Variants in DPP10 observed in about 807,000 individuals in gnomAD.
The protein encoded by DPP10 is dipeptidyl peptidase like 10, also known as inactive dipeptidyl peptidase 10.
DPP10 carries 33 observed loss-of-function variants against 120.9 expected under a neutral mutation model. The observed-to-expected ratio is 0.27, with a 90% confidence interval of 0.21 to 0.37. DPP10 has a LOEUF of 0.37. DPP10 is among the 10% of genes least tolerant of loss of function. The pLI is 1.00. For missense variants in DPP10, 816 were observed against 942.8 expected (o/e 0.87, Z 1.76); for synonymous variants, 337 against 326.1 (o/e 1.03, Z -0.36).
chr2:114,943,484 G>T (rs1697119299), intron 1 of DPP10, among the ~76,000 whole-genome samples: 1 of 152,120 alleles, frequency 6.6e-6, no homozygotes, highest in Non-Finnish European at 1.5e-5. Context: ...ATGTTGGTCA[G>T]GCTGGTCTTG....
At chr2:115,302,882 A>G (rs2061202978) in intron 1 of DPP10, among the ~76,000 whole-genome samples, 1 of 152,130 alleles carries the variant, frequency 6.6e-6, no homozygotes, top group African/African-American at 2.4e-5. Context: ...ATAAATGAGG[A>G]AACTGTGAAT....
chr2:114,684,472 T>C (rs1320367388), intron 1 of DPP10, among the ~76,000 whole-genome samples: 1 of 152,002 alleles, frequency 6.6e-6, no homozygotes, highest in Non-Finnish European at 1.5e-5. Flanking sequence ...GTGTTTTCTT[T>C]CCCTCCCTTT....
At chr2:115,402,963 A>G (rs1175168952) in intron 3 of DPP10, among the ~76,000 whole-genome samples, 1 of 146,520 alleles carries the variant, frequency 6.8e-6, no homozygotes, top group Non-Finnish European at 1.5e-5. Flanking sequence ...ATATATATAT[A>G]TGTATATATA....
At chr2:115,777,705 C>A (rs1682279644) in intron 14 of DPP10, 82 bp from the exon 15 acceptor site, 4 of 1,391,744 alleles carry the variant, frequency 2.9e-6, no homozygotes, top group Non-Finnish European at 2.0e-6. Context: ...ATTCAGGATT[C>A]AATGTGACAA....
chr2:115,842,368 G>A lies in DPP10; in HGVS notation c.*23G>A, dbSNP rs1690243857. On this transcript the variant is annotated 3_prime_UTR_variant, in exon 26 of 26. Coordinates refer to ENST00000410059, the MANE Select transcript of DPP10 (RefSeq NM_020868.6). Reference sequence around the variant, plus strand: ...TAATGGACTGTATTTATACAGAACTGAAGGGAATATTGAGGCTCAATGAAA... The same window carrying A: ...TAATGGACTGTATTTATACAGAACTAAAGGGAATATTGAGGCTCAATGAAA... 2 of 1,601,774 alleles carry A rather than the reference G, an allele frequency of 1.2e-6. No individual in the cohort carries two copies. The highest frequency in any genetic ancestry group is 1.7e-6 in the Non-Finnish European group (2 of 1,171,874).
chr2:115,027,937 T>C (rs753121955), intron 1 of DPP10, among the ~76,000 whole-genome samples: 36 of 152,252 alleles, frequency 2.4e-4, no homozygotes, highest in African/African-American at 8.4e-4. Flanking sequence ...TTTGTATTTC[T>C]GTAGTTAGTT....
At chr2:114,940,415 G>T (rs1696807017) in intron 1 of DPP10, among the ~76,000 whole-genome samples, 1 of 152,112 alleles carries the variant, frequency 6.6e-6, no homozygotes, top group Admixed American at 6.6e-5. Context: ...GGATCAGAGA[G>T]AGAGAAAGAT....
At chr2:115,746,521 G>A (rs1218013636) in intron 10 of DPP10, among the ~76,000 whole-genome samples, 1 of 152,058 alleles carries the variant, frequency 6.6e-6, no homozygotes, top group African/African-American at 2.4e-5. Context: ...TTTTGAAGGT[G>A]TTCATTAAAA....
intron 1 of DPP10, among the ~76,000 whole-genome samples, chr2:114,729,864 G>A (rs993633725): frequency 6.6e-5 from 10 of 152,088 alleles, no homozygotes; most frequent in Admixed American, 3.3e-4. Context: ...AAAAACAGAC[G>A]ACTTGCAAGA....
intron 5 of DPP10, among the ~76,000 whole-genome samples, chr2:115,615,871 T>G (rs1254376700): frequency 6.6e-6 from 1 of 152,302 alleles, no homozygotes; most frequent in East Asian, 1.9e-4. Flanking sequence ...TATGAAGAAC[T>G]AATATTATAA....
In DPP10 at chr2:115,595,514, C is replaced by T. The variant is rs376202966; in HGVS notation, c.441+69542C>T. Among the ~76,000 whole-genome samples, 3 of 152,182 alleles carry T rather than the reference C, an allele frequency of 2.0e-5. 1 individual carries two copies. The highest frequency in any genetic ancestry group is 7.2e-5 in the African/African-American group (3 of 41,562). On this transcript the variant is annotated intron_variant, in intron 5 of 25. Coordinates refer to ENST00000410059, the MANE Select transcript of DPP10 (RefSeq NM_020868.6). ...CAATGTTCCAAGAAAACCATTACTG[C>T]AACACAAAGGCCCTGATTCTGGCCC...
intron 1 of DPP10, among the ~76,000 whole-genome samples, chr2:114,601,458 A>G (rs1692359609): frequency 6.6e-6 from 1 of 151,904 alleles, no homozygotes; most frequent in African/African-American, 2.4e-5. Context: ...GTGGCTTTAC[A>G]GTTGTGTTTT....
At chr2:115,402,655 A>T (rs575758336) in intron 3 of DPP10, among the ~76,000 whole-genome samples, 27 of 150,746 alleles carry the variant, frequency 1.8e-4, no homozygotes, top group African/African-American at 6.3e-4. Flanking sequence ...AAAAAAAAAA[A>T]GTCTTCCACT....
chr2:115,400,761 A>G (rs2068015704), intron 3 of DPP10, among the ~76,000 whole-genome samples: 1 of 152,244 alleles, frequency 6.6e-6, no homozygotes, highest in Non-Finnish European at 1.5e-5. Flanking sequence ...AATAAATGCA[A>G]GAGTTGCAAG....
At chr2:115,125,391 A>AC (rs2050020794) in intron 1 of DPP10, among the ~76,000 whole-genome samples, 1 of 152,152 alleles carries the variant, frequency 6.6e-6, no homozygotes, top group South Asian at 2.1e-4. Flanking sequence ...AAAACTTGAG[A>AC]AAGTTATTTA....
chr2:115,175,415 C>G (rs2053623223), intron 1 of DPP10, among the ~76,000 whole-genome samples: 1 of 152,128 alleles, frequency 6.6e-6, no homozygotes, highest in South Asian at 2.1e-4. Context: ...GGTGGGGGAA[C>G]AGGAAGAAAT....
intron 1 of DPP10, among the ~76,000 whole-genome samples, chr2:114,514,157 G>C (rs1684399907): frequency 6.6e-6 from 1 of 152,154 alleles, no homozygotes; most frequent in Non-Finnish European, 1.5e-5. Context: ...GGTCTAATCT[G>C]ATGAAATAAT....
chr2:115,483,997 A>G (rs1328682747), intron 3 of DPP10, among the ~76,000 whole-genome samples: 1 of 152,124 alleles, frequency 6.6e-6, no homozygotes, highest in Non-Finnish European at 1.5e-5. Flanking sequence ...TTGAGATTTC[A>G]GACAAAATCA....
At chr2:115,302,326 G>A (rs886703927) in intron 1 of DPP10, among the ~76,000 whole-genome samples, 4 of 151,920 alleles carry the variant, frequency 2.6e-5, no homozygotes, top group African/African-American at 9.7e-5. Flanking sequence ...ACCAATAATC[G>A]TAATTATTGG....
Sources: allele counts gnomAD v4.1 joint callset (sites outside exome capture counted in the v4.1 genomes callset), GRCh38; gene constraint gnomAD v4.1.1; transcripts MANE v1.5; gene names NCBI Gene and HGNC (gene_info 2026-07-23, HGNC 2026-07-21).